CUL2: variants seen among roughly 807,000 people sequenced by gnomAD.
The protein encoded by CUL2 is cullin 2.
Under a neutral mutation model 110.2 loss-of-function variants are expected in CUL2, and 22 were observed. That is an observed-to-expected ratio of 0.20 (90% CI 0.14 to 0.28). CUL2 has a LOEUF of 0.28. CUL2 is among the 10% of genes least tolerant of loss of function. The probability of loss-of-function intolerance (pLI) is 1.00; values close to 1 mark genes in which losing one functional copy is unlikely to be tolerated. For missense variants in CUL2, 631 were observed against 905.5 expected (o/e 0.70, Z 3.89); for synonymous variants, 279 against 293.2 (o/e 0.95, Z 0.49).
intron 1 of CUL2, chr10:35,074,313 G>A: frequency 1.2e-6 from 1 of 837,772 alleles, no homozygotes; most frequent in Admixed American, 2.0e-5. Flanking sequence ...CTCTCCTCCT[G>A]GTACTCCCTA....
upstream of CUL2, among the ~76,000 whole-genome samples, chr10:35,091,524 T>C (rs2087202830): frequency 6.6e-6 from 1 of 152,184 alleles, no homozygotes; most frequent in Non-Finnish European, 1.5e-5. Flanking sequence ...AATCTAGTGA[T>C]TCTCAAAGTG....
intron 1 of CUL2, among the ~76,000 whole-genome samples, chr10:35,121,110 T>C (rs1037078740): frequency 6.6e-6 from 1 of 152,230 alleles, no homozygotes; most frequent in Non-Finnish European, 1.5e-5. Context: ...TTCCCCATAA[T>C]GTCATGTCTT....
At chr10:35,069,173 CTT>C (rs1293468908) in intron 2 of CUL2, among the ~76,000 whole-genome samples, 1 of 152,030 alleles carries the variant, frequency 6.6e-6, no homozygotes, top group Non-Finnish European at 1.5e-5. Context: ...GGCCTGTACT[CTT>C]TAATCATTAT....
At chr10:35,014,619 G>A (rs543312913) in intron 18 of CUL2, among the ~76,000 whole-genome samples, 4 of 152,058 alleles carry the variant, frequency 2.6e-5, no homozygotes, top group Admixed American at 1.3e-4. Flanking sequence ...GATTACTTGA[G>A]CTCAGGAGTT....
At chr10:35,062,367 C>G (rs1391782402) in intron 3 of CUL2, among the ~76,000 whole-genome samples, 1 of 151,936 alleles carries the variant, frequency 6.6e-6, no homozygotes, top group East Asian at 1.9e-4. Flanking sequence ...CAGAGATTTA[C>G]CAAGAGATAG....
chr10:35,025,861 C>T (rs1244185236), intron 16 of CUL2, among the ~76,000 whole-genome samples: 3 of 152,046 alleles, frequency 2.0e-5, no homozygotes, highest in Admixed American at 2.0e-4. Context: ...AACTCAATTT[C>T]TTTATAAAAC....
chr10:35,101,756 A>G (rs1021806175), intron 1 of CUL2, among the ~76,000 whole-genome samples: 3 of 152,208 alleles, frequency 2.0e-5, no homozygotes, highest in Non-Finnish European at 4.4e-5. Flanking sequence ...TAGAAGATGT[A>G]TTTCACCCAG....
intron 8 of CUL2, among the ~76,000 whole-genome samples, chr10:35,041,063 C>A (rs577073007): frequency 6.6e-5 from 10 of 152,282 alleles, no homozygotes; most frequent in East Asian, 3.9e-4. Flanking sequence ...GGGTCAGGGA[C>A]CCCTGGTCTA....
At chr10:35,126,627 A>G (rs4934730) in exon 1 of CUL2, 44,561 of 152,182 alleles carry the variant, frequency 0.29, 7,059 homozygotes, top group South Asian at 0.35. Context: ...AAGACCTGAC[A>G]ACAGCCGTTA....
chr10:35,019,933 G>T (rs1174829027), intron 17 of CUL2, among the ~76,000 whole-genome samples: 3 of 152,140 alleles, frequency 2.0e-5, no homozygotes, highest in African/African-American at 7.2e-5. Flanking sequence ...ACTGAAGAGG[G>T]GAAAGAGTGC....
chr10:35,093,659 C>CAAAAA (rs58582764), upstream of CUL2, among the ~76,000 whole-genome samples: 31 of 87,766 alleles, frequency 3.5e-4, no homozygotes, highest in African/African-American at 9.3e-4. Context: ...GACCTTCTCT[C>CAAAAA]AAAAAAAAAA....
chr10:35,029,982 G>GTGTTT (rs1764200872), intron 14 of CUL2, among the ~76,000 whole-genome samples: 1 of 152,176 alleles, frequency 6.6e-6, no homozygotes, highest in Admixed American at 6.5e-5. Context: ...ATTTTATGTT[G>GTGTTT]TGTTTTGTTT....
intron 1 of CUL2, among the ~76,000 whole-genome samples, chr10:35,071,580 A>AT (rs768059806): frequency 1.2e-3 from 175 of 150,794 alleles, no homozygotes; most frequent in South Asian, 2.9e-3. Flanking sequence ...AATTTTTTGT[A>AT]TTTTTTTTTA....
At chr10:35,123,717 T>A (rs1026386295) in intron 1 of CUL2, among the ~76,000 whole-genome samples, 1 of 152,054 alleles carries the variant, frequency 6.6e-6, no homozygotes, top group Admixed American at 6.6e-5. Context: ...GATTCAGGTA[T>A]GAAAGGGGAA....
chr10:35,123,255 G>A (rs2087699473), intron 1 of CUL2, among the ~76,000 whole-genome samples: 2 of 152,192 alleles, frequency 1.3e-5, no homozygotes, highest in Non-Finnish European at 2.9e-5. Flanking sequence ...CAATTAAAAT[G>A]TCATTTATTT....
At chr10:35,094,697 C>A (rs1407369117), upstream of CUL2, among the ~76,000 whole-genome samples, 1 of 152,202 alleles carries the variant, frequency 6.6e-6, no homozygotes, top group East Asian at 1.9e-4. Context: ...CCCTTTATTT[C>A]TAAATTCCAG....
At chr10:35,011,807 C>G in intron 20 of CUL2, 41 bp downstream of exon 20, 1 of 1,010,314 alleles carries the variant, frequency 9.9e-7, no homozygotes, top group Non-Finnish European at 1.6e-6. Context: ...AATGACAATG[C>G]CCTCTACCCT....
intron 1 of CUL2, among the ~76,000 whole-genome samples, chr10:35,109,013 G>A (rs184624845): frequency 1.3e-5 from 2 of 152,272 alleles, no homozygotes; most frequent in East Asian, 1.9e-4. Flanking sequence ...AGGAGTTGGA[G>A]AGCAGCCTGG....
Position 35,083,794 on chromosome 10 carries a change from G to A in CUL2, c.-23+6385C>T, listed in dbSNP as rs1010544200. 2.6e-5 allele frequency among the ~76,000 whole-genome samples: 4 copies of A among 152,176 alleles called. No homozygotes were observed. The South Asian group carries it at 6.2e-4, about 24-fold the overall frequency. On this transcript the variant is annotated intron_variant, in intron 1 of 20. Coordinates refer to ENST00000374749, the MANE Select transcript of CUL2 (RefSeq NM_003591.4). ...AAGGCAAGAGGACTGCTTGAGCCAA[G>A]GAGTTCAAAACCAGCCTGGAGCATA...
Sources: gnomAD v4.1 joint callset for allele counts (sites outside exome capture counted in the v4.1 genomes callset) on GRCh38, gnomAD v4.1.1 for gene constraint, MANE v1.5 for transcripts, NCBI Gene and HGNC (gene_info 2026-07-23, HGNC 2026-07-21) for gene names.